The following CDH19 variants were observed in gnomAD, a reference collection of about 807,000 sequenced individuals.
The protein encoded by CDH19 is cadherin 19, also known as cadherin-19.
CDH19 carries 67 observed loss-of-function variants against 64.2 expected under a neutral mutation model. The ratio of observed to expected loss-of-function variants is 1.04; its 90% CI spans 0.86 to 1.28. The LOEUF is 1.28. CDH19 is among the 50% of genes most tolerant of loss of function. The pLI is 0.00. For missense variants in CDH19, 1,030 were observed against 929.0 expected (o/e 1.11, Z -1.41); for synonymous variants, 346 against 319.3 (o/e 1.08, Z -0.89).
At chr18:66,508,569 T>G (rs1380357021) in intron 11 of CDH19, among the ~76,000 whole-genome samples, 2 of 151,880 alleles carry the variant, frequency 1.3e-5, no homozygotes, top group Non-Finnish European at 2.9e-5. Flanking sequence ...TAGGTGATAT[T>G]AGTTACTACT....
chr18:66,508,843 A>G, intron 11 of CDH19, 152 bp downstream of exon 11: 1 of 778,928 alleles, frequency 1.3e-6, no homozygotes, highest in Non-Finnish European at 2.0e-6. Flanking sequence ...GGAGCAATAA[A>G]CGTACACACA....
At chr18:66,527,440 G>C (rs934410735) in intron 9 of CDH19, among the ~76,000 whole-genome samples, 2 of 151,834 alleles carry the variant, frequency 1.3e-5, no homozygotes, top group African/African-American at 4.8e-5. Flanking sequence ...ATATATTGAG[G>C]AAAATACGAA....
At chr18:66,554,001 T>C (rs1987426569) in intron 4 of CDH19, among the ~76,000 whole-genome samples, 1 of 88,808 alleles carries the variant, frequency 1.1e-5, no homozygotes. Context: ...TGCAGCTGTA[T>C]TTCATTGTGG....
intron 3 of CDH19, among the ~76,000 whole-genome samples, chr18:66,557,826 A>T (rs1290002652): frequency 6.6e-6 from 1 of 151,662 alleles, no homozygotes; most frequent in African/African-American, 2.4e-5. Context: ...ATATATACAC[A>T]CATATATTTT....
chr18:66,592,708 G>T (rs185149603), intron 1 of CDH19, among the ~76,000 whole-genome samples: 4 of 151,952 alleles, frequency 2.6e-5, no homozygotes, highest in Middle Eastern at 3.4e-3. Flanking sequence ...TGCTGTGAAT[G>T]ATAGAATTTC....
chr18:66,567,600 T>C (rs540515903), intron 3 of CDH19, among the ~76,000 whole-genome samples: 17 of 152,040 alleles, frequency 1.1e-4, no homozygotes, highest in African/African-American at 3.4e-4. Context: ...ATGAAATATG[T>C]ATTTTTGGAA....
At chr18:66,556,827 C>G (rs1445425667) in intron 3 of CDH19, among the ~76,000 whole-genome samples, 1 of 151,910 alleles carries the variant, frequency 6.6e-6, no homozygotes, top group African/African-American at 2.4e-5. Flanking sequence ...CTCAACATCA[C>G]TAATCATCAT....
intron 9 of CDH19, 107 bp from the exon 10 acceptor site, chr18:66,511,792 G>A (rs1299670792): frequency 1.5e-5 from 10 of 672,074 alleles, no homozygotes; most frequent in Non-Finnish European, 2.4e-5. Flanking sequence ...ACAATCAATA[G>A]GGACATTGCA....
At chr18:66,535,264 T>TAAG (rs1986616097) in intron 7 of CDH19, among the ~76,000 whole-genome samples, 157 bp from the exon 8 acceptor site, 2 of 151,838 alleles carry the variant, frequency 1.3e-5, no homozygotes, top group African/African-American at 4.8e-5. Flanking sequence ...TTCCTGTATT[T>TAAG]AAGATTCAAC....
chr18:66,505,010 A>G lies in CDH19; in HGVS notation c.2121T>C (p.Asn707=). 6.2e-7 allele frequency: 1 copy of G among 1,613,636 alleles called. No individual in the cohort carries two copies. The highest frequency in any genetic ancestry group is 1.3e-5 in the African/African-American group (1 of 74,994). Residue 707 remains asparagine (N), a synonymous_variant, in exon 12 of 12, where the codon AAT becomes AAC. Transcript: ENST00000262150. ...KFILEKLEEA[N]TDPCAPPFDS... is the part of the protein sequence containing the mutation. ...CAAAAGGAGGGGCACACGGATCAGTATTAGCTTCTTCGAGCTTTTCCAGAA... is the reference window on the plus strand; with the variant it reads ...CAAAAGGAGGGGCACACGGATCAGTGTTAGCTTCTTCGAGCTTTTCCAGAA...
intron 5 of CDH19, among the ~76,000 whole-genome samples, chr18:66,547,699 G>A (rs1358083580): frequency 8.9e-6 from 1 of 111,732 alleles, no homozygotes; most frequent in Non-Finnish European, 1.6e-5. Flanking sequence ...ACGGAGTCTC[G>A]CTCTGTCGCC....
rs375872542 is a variant in CDH19 at position 66,504,131 on chromosome 18, T to C, written c.*681A>G. ...ACATTGAAAAATAGTAGAGGAATATTTTAGTCATATGCCAGAGCTGGTTTT... is the reference window on the plus strand; with the variant it reads ...ACATTGAAAAATAGTAGAGGAATATCTTAGTCATATGCCAGAGCTGGTTTT... On this transcript the variant is annotated 3_prime_UTR_variant, in exon 12 of 12. Transcript: ENST00000262150. 1 of 151,962 alleles carries C rather than the reference T, an allele frequency of 6.6e-6. No individual in the cohort carries two copies. The highest frequency in any genetic ancestry group is 1.9e-4 in the East Asian group (1 of 5,150). The allele number at this position is 151,962 out of a possible 1,614,324, so 9.4% of individuals were successfully genotyped here.
rs904907388 is a variant in CDH19 at position 66,561,596 on chromosome 18, T to C, written c.490+6820A>G. On this transcript the variant is annotated intron_variant, in intron 3 of 11. Transcript: ENST00000262150. ...TAAACAGAGAGTGAAAAAATGCTTT[T>C]TGGGGGACCGAAGGGTCCAAAGTTC... is the stretch of plus-strand genomic sequence containing the variant. Among the ~76,000 whole-genome samples, 4 of 152,086 alleles carry C rather than the reference T, an allele frequency of 2.6e-5. No homozygotes were observed. The East Asian group carries it at 7.7e-4, about 29-fold the overall frequency.
intron 11 of CDH19, among the ~76,000 whole-genome samples, chr18:66,508,203 C>T (rs1985294859): frequency 6.6e-6 from 1 of 151,874 alleles, no homozygotes; most frequent in Admixed American, 6.6e-5. Flanking sequence ...AAATAAGTAA[C>T]TCACATAAGT....
At chr18:66,588,609 T>TATATATATAA (rs1568211819) in intron 1 of CDH19, among the ~76,000 whole-genome samples, 3 of 132,514 alleles carry the variant, frequency 2.3e-5, no homozygotes. Context: ...ACTAATCATA[T>TATATATATAA]ATATCTATAT....
intron 8 of CDH19, among the ~76,000 whole-genome samples, chr18:66,530,295 G>C (rs1182315857): frequency 6.6e-6 from 1 of 151,958 alleles, no homozygotes; most frequent in East Asian, 1.9e-4. Context: ...ACCATTTAAA[G>C]TTTTGTATTA....
At chr18:66,562,336 G>T (rs994922698) in intron 3 of CDH19, among the ~76,000 whole-genome samples, 1 of 151,200 alleles carries the variant, frequency 6.6e-6, no homozygotes, top group Non-Finnish European at 1.5e-5. Flanking sequence ...AGATTATTAA[G>T]CATTAGATTT....
chr18:66,544,785 A>C lies in CDH19; in HGVS notation c.894T>G (p.Asp298Glu), dbSNP rs1394968637. ...TAATAATGTCAAATGTTTGCGAATC[A>C]TCCTCTTCAATGCTGTAATCCATTT... Reference protein sequence around the residue: ...NAEMDYSIEEDDSQTFDIITN... With the variant: ...NAEMDYSIEEEDSQTFDIITN... The change falls in exon 6 of 12, where the codon GAT becomes GAG. Residue 298 changes from aspartate (D) to glutamate (E), a missense_variant. Physicochemically the swap from Asp to Glu is conservative, Grantham distance 45 (BLOSUM62 2). Coordinates refer to ENST00000262150, the MANE Select transcript of CDH19 (RefSeq NM_021153.4). 1 of 1,612,138 alleles carries C rather than the reference A, an allele frequency of 6.2e-7. No homozygotes were observed. Among genetic ancestry groups the C allele is most frequent in the African/African-American group, 1.3e-5 (1 of 74,894 alleles).
In CDH19 at chr18:66,509,120, A is replaced by T. The variant is rs761787994; in HGVS notation, c.1703T>A (p.Ile568Asn). 11 of 1,612,878 alleles carry T rather than the reference A, an allele frequency of 6.8e-6. No homozygotes were observed. Among genetic ancestry groups the T allele is most frequent in the Non-Finnish European group, 8.5e-7 (1 of 1,179,356 alleles). ...PSLTSTNTLT[I>N]HVCDCGDSGS... ...ACTGTCACCACAGTCACAGACATGGATGGTAAGGGTGTTTGTACTTGTAAG... is the reference window on the plus strand; with the variant it reads ...ACTGTCACCACAGTCACAGACATGGTTGGTAAGGGTGTTTGTACTTGTAAG... The change falls in exon 11 of 12, where the codon ATC (isoleucine) becomes AAC (asparagine). Residue 568 changes from isoleucine (I) to asparagine (N), a missense_variant. Ile to Asn is a moderately radical substitution (Grantham distance 149). Transcript: ENST00000262150.
Sources: allele counts gnomAD v4.1 joint callset (sites outside exome capture counted in the v4.1 genomes callset), GRCh38; gene constraint gnomAD v4.1.1; transcripts MANE v1.5; gene names NCBI Gene and HGNC (gene_info 2026-07-23, HGNC 2026-07-21).